ORC5: variants seen among roughly 807,000 people sequenced by gnomAD.
ORC5 encodes origin recognition complex subunit 5.
In ORC5, 39 loss-of-function variants were observed where a neutral mutation model predicts 58.8. The ratio of observed to expected loss-of-function variants is 0.66; its 90% CI spans 0.51 to 0.87. ORC5 has a LOEUF of 0.87. Ranked by LOEUF, ORC5 falls within the 40% of genes least tolerant of loss-of-function variation. The pLI is 0.00. For missense variants in ORC5, 493 were observed against 506.3 expected, an observed-to-expected ratio of 0.97 and a Z score of 0.25; for synonymous variants, 218 against 177.6, an observed-to-expected ratio of 1.23 and a Z score of -1.81.
intron 12 of ORC5, among the ~76,000 whole-genome samples, chr7:104,153,345 G>A (rs1206929499): frequency 1.3e-5 from 2 of 152,176 alleles, no homozygotes; most frequent in Non-Finnish European, 2.9e-5. Flanking sequence ...CACCAGTGGA[G>A]ACTGAGCATC....
At chr7:104,181,083 G>A (rs917988069) in intron 8 of ORC5, among the ~76,000 whole-genome samples, 1 of 152,132 alleles carries the variant, frequency 6.6e-6, no homozygotes, top group Admixed American at 6.5e-5. Context: ...GAAATGATGG[G>A]CTCATGAAAC....
chr7:104,150,194 T>G (rs189606414), intron 12 of ORC5, among the ~76,000 whole-genome samples: 17 of 152,358 alleles, frequency 1.1e-4, no homozygotes, highest in Admixed American at 2.6e-4. Context: ...CAACTGTAAT[T>G]AATTTTTAAC....
chr7:104,129,252 A>G lies in ORC5; in HGVS notation c.1263-2359T>C, dbSNP rs541396034. ...AGTTTGTACAATAAATAAATAACAG[A>G]ACAGACTTAATAGAATGAATGGAGT... is the stretch of plus-strand genomic sequence containing the variant. On this transcript the variant is annotated intron_variant, in intron 13 of 13. Coordinates refer to ENST00000297431, the MANE Select transcript of ORC5 (RefSeq NM_002553.4). This position sits in a 1 kb window ranked among gnomAD's most constrained non-coding sequence, Gnocchi z 4.9. Among the ~76,000 whole-genome samples the G allele has an allele frequency of 7.9e-5, 12 of 152,312 alleles. No homozygotes were observed. Among genetic ancestry groups the G allele is most frequent in the African/African-American group, 2.4e-4 (10 of 41,584 alleles).
Position 104,183,975 on chromosome 7 carries a change from A to G in ORC5, c.792T>C (p.Ala264=), listed in dbSNP as rs781299442. ...TTTCCCTGAGATAAACAGTCTGCAT[A>G]GCTTTCTTCAAATGAGGTTCAATAT... ...WRNIEPHLKK[A]MQTVYLREIS... Residue 264 remains alanine (A), a synonymous_variant, in exon 8 of 14, where the codon GCT becomes GCC. Transcript: ENST00000297431. 1.2e-6 allele frequency: 2 copies of G among 1,613,566 alleles called. No individual in the cohort carries two copies. The highest frequency in any genetic ancestry group is 4.5e-5 in the East Asian group (2 of 44,836).
chr7:104,161,305 A>G (rs1799018373), intron 11 of ORC5, 123 bp from the exon 12 acceptor site: 1 of 578,718 alleles, frequency 1.7e-6, no homozygotes, highest in Middle Eastern at 2.9e-4. Flanking sequence ...AATGCTAACA[A>G]ATCTAACCTG....
chr7:104,159,873 A>G (rs561807017), intron 12 of ORC5, among the ~76,000 whole-genome samples: 29 of 152,326 alleles, frequency 1.9e-4, no homozygotes, highest in African/African-American at 5.8e-4. Context: ...CAAAACAAAA[A>G]ATTCCTATGT....
intron 8 of ORC5, among the ~76,000 whole-genome samples, chr7:104,172,717 C>T (rs1799236661): frequency 6.6e-6 from 1 of 152,076 alleles, no homozygotes; most frequent in African/African-American, 2.4e-5. Flanking sequence ...GAGGAGAAAG[C>T]CAAAGCCTAG....
intron 8 of ORC5, among the ~76,000 whole-genome samples, chr7:104,183,566 C>G (rs1799479396): frequency 1.3e-5 from 2 of 152,142 alleles, no homozygotes; most frequent in Admixed American, 6.5e-5. Flanking sequence ...AGAACTATTA[C>G]AAAAGACAGG....
intron 4 of ORC5, 131 bp downstream of exon 4, chr7:104,197,594 G>A (rs1799830508): frequency 1.7e-6 from 1 of 582,886 alleles, no homozygotes; most frequent in Non-Finnish European, 3.0e-6. Flanking sequence ...GAGCTTTACT[G>A]ATAAAAGAAA....
intron 12 of ORC5, among the ~76,000 whole-genome samples, chr7:104,149,129 C>T (rs1798806574): frequency 6.6e-6 from 1 of 151,950 alleles, no homozygotes; most frequent in Non-Finnish European, 1.5e-5. Context: ...TATCCCAAAG[C>T]AGTTTCTTAC....
chr7:104,127,726 G>T (rs1308413885), intron 13 of ORC5, among the ~76,000 whole-genome samples: 3 of 152,054 alleles, frequency 2.0e-5, no homozygotes, highest in Non-Finnish European at 4.4e-5. Flanking sequence ...TAATGTTTTT[G>T]TCTATCATTT....
Position 104,154,643 on chromosome 7 carries a change from T to C in ORC5, c.1149+6429A>G, listed in dbSNP as rs148266197. Among the ~76,000 whole-genome samples, 563 of 151,978 alleles carry C rather than the reference T, an allele frequency of 3.7e-3. 2 individuals carry two copies. The highest frequency in any genetic ancestry group is 0.014 in the Middle Eastern group (4 of 294). On this transcript the variant is annotated intron_variant, in intron 12 of 13. Coordinates refer to ENST00000297431, the MANE Select transcript of ORC5 (RefSeq NM_002553.4). The stretch of plus-strand genomic sequence containing the variant: ...AAACATAGTAGACACTTAGTAAATA[T>C]TTGTTAAATGAAATTTTAAGCAGAG...
intron 8 of ORC5, among the ~76,000 whole-genome samples, chr7:104,179,109 A>ATT (rs34769476): frequency 1.4e-4 from 20 of 138,448 alleles, no homozygotes; most frequent in African/African-American, 5.1e-4. Context: ...AGAAAAGTGA[A>ATT]TTTTTTTTTT....
In ORC5 at chr7:104,181,705, T is replaced by C. The variant is rs532547065; in HGVS notation, c.824+2238A>G. On this transcript the variant is annotated intron_variant, in intron 8 of 13. Transcript: ENST00000297431. Reference sequence around the variant, plus strand: ...TACTCGGGAAGCTGAGGCAGGAGAATGGCGTGAACCCGGGAGGAGGAGCTT... The same window carrying C: ...TACTCGGGAAGCTGAGGCAGGAGAACGGCGTGAACCCGGGAGGAGGAGCTT... Among the ~76,000 whole-genome samples, 98 of 148,606 alleles carry C rather than the reference T, an allele frequency of 6.6e-4. 1 individual carries two copies. Among genetic ancestry groups the C allele is most frequent in the Non-Finnish European group, 7.7e-4 (52 of 67,658 alleles).
intron 13 of ORC5, among the ~76,000 whole-genome samples, chr7:104,135,485 G>T (rs889022620): frequency 2.0e-5 from 3 of 152,086 alleles, no homozygotes; most frequent in African/African-American, 7.2e-5. Flanking sequence ...AGAGACGGGG[G>T]TCTCACTACG....
chr7:104,187,081 A>G (rs1040170682), intron 6 of ORC5, among the ~76,000 whole-genome samples: 9 of 152,166 alleles, frequency 5.9e-5, no homozygotes, highest in Admixed American at 6.5e-5. Flanking sequence ...TTCGAGTGCT[A>G]AAGAGTGGTA....
intron 5 of ORC5, among the ~76,000 whole-genome samples, chr7:104,192,613 G>A (rs950011231): frequency 1.3e-5 from 2 of 151,818 alleles, no homozygotes; most frequent in Non-Finnish European, 2.9e-5. Flanking sequence ...ACAACAAAAA[G>A]CACAATGTCT....
intron 4 of ORC5, among the ~76,000 whole-genome samples, chr7:104,195,889 A>C (rs904693747): frequency 3.9e-5 from 6 of 152,186 alleles, no homozygotes; most frequent in African/African-American, 7.2e-5. Flanking sequence ...TAAATTGGTA[A>C]TGTTCTCATC....
At chr7:104,194,525 T>C (rs575520135) in intron 5 of ORC5, among the ~76,000 whole-genome samples, 2 of 151,998 alleles carry the variant, frequency 1.3e-5, no homozygotes, top group South Asian at 2.1e-4. Flanking sequence ...ATCATCAGGA[T>C]CTATGAAATT....
Sources: allele counts gnomAD v4.1 joint callset (sites outside exome capture counted in the v4.1 genomes callset), GRCh38; gene constraint gnomAD v4.1.1; non-coding constraint Gnocchi (gnomAD v3.1); transcripts MANE v1.5; gene names NCBI Gene and HGNC (gene_info 2026-07-23, HGNC 2026-07-21).